The following GRID2 variants were observed in gnomAD, a reference collection of about 807,000 sequenced individuals.
GRID2 encodes the protein glutamate ionotropic receptor delta type subunit 2, also known as glutamate receptor ionotropic, delta-2.
Under a neutral mutation model 114.8 loss-of-function variants are expected in GRID2, and 33 were observed. That is an observed-to-expected ratio of 0.29 (90% confidence interval 0.22 to 0.38). The LOEUF (loss-of-function observed/expected upper bound fraction) is 0.38, where lower values mean the gene tolerates loss of function less well. Ranked by LOEUF, GRID2 falls within the 10% of genes least tolerant of loss-of-function variation. The pLI is 1.00. For missense variants in GRID2, 1,184 were observed against 1,257.7 expected, an observed-to-expected ratio of 0.94 and a Z score of 0.89; for synonymous variants, 505 against 449.9, an observed-to-expected ratio of 1.12 and a Z score of -1.55.
intron 1 of GRID2, among the ~76,000 whole-genome samples, chr4:92,440,509 C>T (rs1281605512): frequency 1.4e-4 from 22 of 151,862 alleles, no homozygotes; most frequent in Middle Eastern, 3.4e-3. Context: ...GGCAAATCCT[C>T]GAGCTTGATG....
chr4:92,740,080 C>A (rs1290216509), intron 2 of GRID2, among the ~76,000 whole-genome samples: 1 of 152,066 alleles, frequency 6.6e-6, no homozygotes, highest in Non-Finnish European at 1.5e-5. Context: ...ATAGCATTTT[C>A]CTAAAAGGCC....
chr4:93,512,608 T>C (rs995549356), intron 12 of GRID2, among the ~76,000 whole-genome samples: 1 of 152,202 alleles, frequency 6.6e-6, no homozygotes, highest in Non-Finnish European at 1.5e-5. Context: ...TAAGTTGCAG[T>C]TGATATCAGA....
intron 14 of GRID2, among the ~76,000 whole-genome samples, chr4:93,654,127 C>T (rs960479968): frequency 1.8e-4 from 27 of 152,230 alleles, no homozygotes; most frequent in Admixed American, 5.2e-4. Context: ...TTCATATCCA[C>T]GATCATTTTC....
chr4:92,683,222 C>T (rs1343380763), intron 2 of GRID2, among the ~76,000 whole-genome samples: 4 of 151,040 alleles, frequency 2.6e-5, no homozygotes, highest in African/African-American at 9.9e-5. Context: ...TCTCGTGAAT[C>T]CAGAAGGCGG....
chr4:92,612,523 T>C (rs1452085531), intron 2 of GRID2, among the ~76,000 whole-genome samples: 1 of 151,446 alleles, frequency 6.6e-6, no homozygotes, highest in Non-Finnish European at 1.5e-5. Context: ...CTGTTGAATG[T>C]ATAAATCAAT....
At chr4:93,573,920 C>T (rs1307852599) in intron 13 of GRID2, among the ~76,000 whole-genome samples, 1 of 152,022 alleles carries the variant, frequency 6.6e-6, no homozygotes, top group Non-Finnish European at 1.5e-5. Flanking sequence ...ATTCCTGAGA[C>T]TTAGTTTATT....
chr4:93,681,386 T>G (rs1191915137), intron 14 of GRID2, among the ~76,000 whole-genome samples: 1 of 151,452 alleles, frequency 6.6e-6, no homozygotes, highest in Non-Finnish European at 1.5e-5. Context: ...GCCATCCTCA[T>G]CAAGCTACCA....
chr4:93,233,583 T>A (rs12647937), intron 7 of GRID2, among the ~76,000 whole-genome samples: 1 of 151,986 alleles, frequency 6.6e-6, no homozygotes. Context: ...CCTCAGGTGA[T>A]CCATCTGTCT....
intron 1 of GRID2, among the ~76,000 whole-genome samples, chr4:92,418,631 T>C (rs1026287252): frequency 3.9e-5 from 6 of 152,008 alleles, no homozygotes; most frequent in Non-Finnish European, 8.8e-5. Context: ...AGTAAAAAGA[T>C]AGAGGCGGGA....
rs1324672293 is a variant in GRID2 at position 93,523,625 on chromosome 4, G to T, written c.2193+8214G>T. Among the ~76,000 whole-genome samples the T allele has an allele frequency of 2.0e-5, 3 of 152,158 alleles. No homozygotes were observed. In the East Asian group the frequency reaches 5.8e-4, roughly 29 times the overall value. On this transcript the variant is annotated intron_variant, in intron 13 of 15. Transcript: ENST00000282020. Reference sequence around the variant, plus strand: ...CCAACACAGACTCTAGGCAAATTATGTTGATAAGATGAGTGTAGGTTGGCA... The same window carrying T: ...CCAACACAGACTCTAGGCAAATTATTTTGATAAGATGAGTGTAGGTTGGCA...
chr4:92,768,773 GATTC>G (rs1422262959), intron 2 of GRID2, among the ~76,000 whole-genome samples: 1 of 152,116 alleles, frequency 6.6e-6, no homozygotes, highest in Non-Finnish European at 1.5e-5. Flanking sequence ...GATCTCATGA[GATTC>G]ATTCACTATC....
intron 10 of GRID2, among the ~76,000 whole-genome samples, chr4:93,423,787 A>G (rs1333952485): frequency 6.6e-6 from 1 of 152,124 alleles, no homozygotes; most frequent in Non-Finnish European, 1.5e-5. Flanking sequence ...GTTATTAGGC[A>G]CATAGACATT....
intron 13 of GRID2, among the ~76,000 whole-genome samples, chr4:93,539,012 G>T (rs1393638434): frequency 6.6e-6 from 1 of 151,798 alleles, no homozygotes; most frequent in Non-Finnish European, 1.5e-5. Context: ...AGGGGAAAAT[G>T]GGTTAAGGAG....
chr4:93,434,423 CATGT>C, intron 10 of GRID2, among the ~76,000 whole-genome samples: 1 of 152,134 alleles, frequency 6.6e-6, no homozygotes, highest in East Asian at 1.9e-4. Context: ...ACATTGTGCA[CATGT>C]ACCCTAGAAC....
intron 2 of GRID2, among the ~76,000 whole-genome samples, chr4:93,000,728 A>AT (rs977238767): frequency 7.6e-6 from 1 of 131,310 alleles, no homozygotes; most frequent in Admixed American, 9.6e-5. Flanking sequence ...AGTAGTTTTT[A>AT]TTTTTTATCA....
chr4:92,463,019 A>G (rs971476909), intron 1 of GRID2, among the ~76,000 whole-genome samples: 1 of 152,002 alleles, frequency 6.6e-6, no homozygotes, highest in African/African-American at 2.4e-5. Context: ...TATAAAGTAA[A>G]CCATTGAATA....
At chr4:93,141,905 A>G (rs1212526615) in intron 4 of GRID2, among the ~76,000 whole-genome samples, 1 of 152,220 alleles carries the variant, frequency 6.6e-6, no homozygotes, top group East Asian at 1.9e-4. Flanking sequence ...GGATTTGGAC[A>G]GTTGGAAAAT....
chr4:92,840,034 T>C (rs193013303), intron 2 of GRID2, among the ~76,000 whole-genome samples: 39 of 152,270 alleles, frequency 2.6e-4, no homozygotes, highest in Admixed American at 2.5e-3. Flanking sequence ...AAACTTGTTA[T>C]ATCCTCCTGC....
At chr4:92,321,404 A>G (rs558658848) in intron 1 of GRID2, among the ~76,000 whole-genome samples, 1 of 152,344 alleles carries the variant, frequency 6.6e-6, no homozygotes, top group African/African-American at 2.4e-5. Flanking sequence ...GAGAAGTGGG[A>G]TAGAGTGGAT....
Sources: allele counts gnomAD v4.1 joint callset (sites outside exome capture counted in the v4.1 genomes callset), GRCh38; gene constraint gnomAD v4.1.1; transcripts MANE v1.5; gene names NCBI Gene and HGNC (gene_info 2026-07-23, HGNC 2026-07-21).